NXN: variants seen among roughly 807,000 people sequenced by gnomAD.
NXN encodes nucleoredoxin, also known as nucleoredoxin 1.
A neutral mutation model predicts 48.6 loss-of-function variants in NXN; 16 were observed. That is an observed-to-expected ratio of 0.33 (90% CI 0.22 to 0.50). The LOEUF is 0.50. NXN is among the 20% of genes least tolerant of loss of function. The pLI, the probability that NXN is intolerant of heterozygous loss-of-function variation, is 0.98. For missense variants in NXN, 492 were observed against 605.5 expected (o/e 0.81, Z 1.97); for synonymous variants, 281 against 269.6 (o/e 1.04, Z -0.41).
intron 1 of NXN, among the ~76,000 whole-genome samples, chr17:840,495 A>G (rs1245940761): frequency 1.3e-5 from 2 of 152,050 alleles, no homozygotes; most frequent in East Asian, 3.9e-4. Context: ...GCCTGCCACC[A>G]CGCACAGCTA....
intron 1 of NXN, among the ~76,000 whole-genome samples, chr17:951,349 C>CG (rs1491344231): frequency 6.3e-4 from 77 of 121,556 alleles, no homozygotes; most frequent in African/African-American, 1.8e-3. Context: ...GACTCCATCT[C>CG]GAAAAAAAAA....
intron 1 of NXN, among the ~76,000 whole-genome samples, chr17:887,765 G>A (rs1778265484): frequency 6.6e-6 from 1 of 151,370 alleles, no homozygotes; most frequent in Non-Finnish European, 1.5e-5. Flanking sequence ...CTTTCTACGT[G>A]TTTCTACATG....
chr17:969,894 C>A (rs911441073), intron 1 of NXN, among the ~76,000 whole-genome samples: 1 of 152,118 alleles, frequency 6.6e-6, no homozygotes, highest in Non-Finnish European at 1.5e-5. Flanking sequence ...TGTTCGACAA[C>A]GATATGAGAT....
At chr17:853,184 GCTCA>G in intron 1 of NXN, among the ~76,000 whole-genome samples, 1 of 152,262 alleles carries the variant, frequency 6.6e-6, no homozygotes, top group Middle Eastern at 3.4e-3. Flanking sequence ...GGGCACGGTG[GCTCA>G]CGCCTGGAAT....
At chr17:915,884 C>G (rs968704278) in intron 1 of NXN, among the ~76,000 whole-genome samples, 2 of 151,984 alleles carry the variant, frequency 1.3e-5, no homozygotes, top group Admixed American at 1.3e-4. Flanking sequence ...GCTGGAACTT[C>G]CAGCTGCTCC....
chr17:840,796 C>T (rs560660714), intron 1 of NXN, among the ~76,000 whole-genome samples: 40 of 152,308 alleles, frequency 2.6e-4, no homozygotes, highest in Middle Eastern at 3.4e-3. Flanking sequence ...CATGGCAAGC[C>T]GGCTTCCATC....
rs532204548 is a variant in NXN at position 977,297 on chromosome 17, T to C, written c.360+2022A>G. On this transcript the variant is annotated intron_variant, in intron 1 of 7. Coordinates refer to ENST00000336868, the MANE Select transcript of NXN (RefSeq NM_022463.5). ...GGGCCAAAAAATAAAATGTTTAAGA[T>C]GCTAACGCACCAGGGTTTGGGCACG... is the stretch of plus-strand genomic sequence containing the variant. 7.2e-5 allele frequency among the ~76,000 whole-genome samples: 11 copies of C among 152,310 alleles called. No individual in the cohort carries two copies. In the South Asian group the frequency reaches 2.1e-3, roughly 29 times the overall value.
chr17:868,519 T>A (rs1447671879), intron 1 of NXN, among the ~76,000 whole-genome samples: 2 of 151,886 alleles, frequency 1.3e-5, no homozygotes, highest in Admixed American at 6.6e-5. Flanking sequence ...TGAGACGGAG[T>A]CTCGCTCTGT....
At chr17:833,510 C>T (rs141523354) in intron 1 of NXN, among the ~76,000 whole-genome samples, 238 of 152,208 alleles carry the variant, frequency 1.6e-3, no homozygotes, top group African/African-American at 5.1e-3. Context: ...AGGGGCCCCT[C>T]GAGTCCACCA....
At chr17:906,054 C>T (rs12600490) in intron 1 of NXN, among the ~76,000 whole-genome samples, 19,251 of 151,524 alleles carry the variant, frequency 0.13, 1,486 homozygotes, top group East Asian at 0.28. Flanking sequence ...ACATCTGAAA[C>T]ATGATCATGT....
At chr17:827,388 T>C (rs8082562) in intron 1 of NXN, among the ~76,000 whole-genome samples, 101,538 of 149,578 alleles carry the variant, frequency 0.68, 35,286 homozygotes, top group African/African-American at 0.84. Context: ...TTTGGGAGGC[T>C]GAGGCGGGTG....
At chr17:872,497 A>G (rs1012651660) in intron 1 of NXN, among the ~76,000 whole-genome samples, 5 of 141,202 alleles carry the variant, frequency 3.5e-5, no homozygotes, top group African/African-American at 1.3e-4. Context: ...GTGTTTGAGG[A>G]AACACCAGCC....
At chr17:810,667 A>G (rs933508751) in intron 5 of NXN, among the ~76,000 whole-genome samples, 2 of 152,176 alleles carry the variant, frequency 1.3e-5, no homozygotes, top group African/African-American at 4.8e-5. Flanking sequence ...AGGCAGGTGG[A>G]TCCCCTGAGG....
At chr17:943,724 C>T (rs1332798410) in intron 1 of NXN, among the ~76,000 whole-genome samples, 1 of 151,494 alleles carries the variant, frequency 6.6e-6, no homozygotes, top group African/African-American at 2.4e-5. Context: ...ACTCGGGGGG[C>T]TGAGACAGGA....
chr17:882,301 C>T (rs1401257829), intron 1 of NXN, among the ~76,000 whole-genome samples: 2 of 148,100 alleles, frequency 1.4e-5, no homozygotes, highest in African/African-American at 4.9e-5. Context: ...ATGGAACCAA[C>T]TACCCTCCAC....
intron 1 of NXN, chr17:863,737 A>G: frequency 1.8e-6 from 1 of 567,502 alleles, no homozygotes; most frequent in Non-Finnish European, 3.2e-6. Flanking sequence ...TGGTGGGATT[A>G]CAGGTGTGAG....
chr17:913,097 GT>G (rs1217266023), intron 1 of NXN, among the ~76,000 whole-genome samples: 33 of 152,280 alleles, frequency 2.2e-4, no homozygotes, highest in African/African-American at 6.7e-4. Context: ...CCATATAGAA[GT>G]TTTATATTAC....
intron 1 of NXN, among the ~76,000 whole-genome samples, chr17:923,872 CGAG>C (rs1296810251): frequency 1.3e-5 from 2 of 152,004 alleles, no homozygotes; most frequent in Non-Finnish European, 2.9e-5. Flanking sequence ...ATTTGATGAG[CGAG>C]GAGAATATTC....
rs112363540 is a variant in NXN, at chr17:811,509, TGG to T, written c.821-6264_821-6263del. On this transcript the variant is annotated intron_variant, in intron 5 of 7. Coordinates refer to ENST00000336868, the MANE Select transcript of NXN (RefSeq NM_022463.5). ...CCCAGGCTGCGTAAAGCCCCGGGGT[TGG>T]GGGGGGGGCAGCACTCTGGAAGCCA... Among the ~76,000 whole-genome samples the T allele has an allele frequency of 4.2e-4, 60 of 143,430 alleles. 1 individual carries two copies. Among genetic ancestry groups the T allele is most frequent in the African/African-American group, 1.5e-3 (59 of 39,246 alleles). The allele number at this position is 143,430 out of a possible 152,430, so 94.1% of individuals were successfully genotyped here.
Sources: gnomAD v4.1 joint callset for allele counts (sites outside exome capture counted in the v4.1 genomes callset) on GRCh38, gnomAD v4.1.1 for gene constraint, MANE v1.5 for transcripts, NCBI Gene and HGNC (gene_info 2026-07-23, HGNC 2026-07-21) for gene names.